Variants in DSCAM observed in about 807,000 individuals in gnomAD.
The protein encoded by DSCAM is DS cell adhesion molecule.
In DSCAM, 47 loss-of-function variants were observed where a neutral mutation model predicts 217.7. That is an observed-to-expected ratio of 0.22 (90% CI 0.17 to 0.28). DSCAM has a LOEUF of 0.28. Ranked by LOEUF, DSCAM falls within the 10% of genes least tolerant of loss-of-function variation. DSCAM has a pLI of 1.00. For synonymous variants in DSCAM, 1,056 were observed against 1,015.3 expected, an observed-to-expected ratio of 1.04 and a Z score of -0.76; for missense variants, 2,080 against 2,618.3, an observed-to-expected ratio of 0.79 and a Z score of 4.49.
chr21:40,249,856 G>A (rs570533176), intron 11 of DSCAM, among the ~76,000 whole-genome samples: 2 of 152,274 alleles, frequency 1.3e-5, no homozygotes, highest in African/African-American at 2.4e-5. Flanking sequence ...AAGGAGTTAG[G>A]TGTGTAGCCC....
intron 3 of DSCAM, among the ~76,000 whole-genome samples, chr21:40,480,012 A>C (rs2075968949): frequency 6.6e-6 from 1 of 152,190 alleles, no homozygotes; most frequent in Non-Finnish European, 1.5e-5. Context: ...TTATTTAATT[A>C]AACAAAACTA....
chr21:40,639,749 T>TA (rs2089855061), intron 3 of DSCAM, among the ~76,000 whole-genome samples: 1 of 152,024 alleles, frequency 6.6e-6, no homozygotes, highest in Admixed American at 6.6e-5. Context: ...TCTAAACCCT[T>TA]AAAGTTACAG....
intron 6 of DSCAM, among the ~76,000 whole-genome samples, chr21:40,343,104 A>G (rs569049650): frequency 1.8e-4 from 28 of 152,130 alleles, no homozygotes; most frequent in African/African-American, 6.3e-4. Context: ...ATTAGTTTCC[A>G]ATTGTTTGTT....
intron 3 of DSCAM, among the ~76,000 whole-genome samples, chr21:40,532,926 G>A (rs1466770584): frequency 6.6e-6 from 1 of 150,538 alleles, no homozygotes; most frequent in Non-Finnish European, 1.5e-5. Context: ...GCACGCGCAT[G>A]TGCGCATATG....
intron 1 of DSCAM, among the ~76,000 whole-genome samples, chr21:40,717,693 G>C (rs1349025483): frequency 6.6e-6 from 1 of 152,224 alleles, no homozygotes; most frequent in Admixed American, 6.5e-5. Context: ...GGTTTCTTTT[G>C]AAGTGATGAA....
chr21:40,171,346 G>T (rs538206296), intron 15 of DSCAM, among the ~76,000 whole-genome samples: 1 of 152,212 alleles, frequency 6.6e-6, no homozygotes, highest in Admixed American at 6.5e-5. Context: ...CCAAAGTGCT[G>T]GGATTACAGG....
chr21:40,514,088 G>A (rs1028280889), intron 3 of DSCAM, among the ~76,000 whole-genome samples: 1 of 152,128 alleles, frequency 6.6e-6, no homozygotes, highest in Non-Finnish European at 1.5e-5. Context: ...GAACTTGAAG[G>A]CACACATTTT....
At chr21:40,476,423 T>C (rs1283701757) in intron 3 of DSCAM, among the ~76,000 whole-genome samples, 2 of 152,234 alleles carry the variant, frequency 1.3e-5, no homozygotes, top group South Asian at 2.1e-4. Context: ...ATATATTGCA[T>C]GCAAAATGCA....
intron 24 of DSCAM, among the ~76,000 whole-genome samples, chr21:40,083,168 C>G (rs2089486967): frequency 6.6e-6 from 1 of 152,230 alleles, no homozygotes; most frequent in African/African-American, 2.4e-5. Context: ...GTGGCTCACG[C>G]CTGTAATCCC....
At chr21:40,174,237 G>A (rs2090695237) in intron 15 of DSCAM, among the ~76,000 whole-genome samples, 1 of 152,176 alleles carries the variant, frequency 6.6e-6, no homozygotes, top group African/African-American at 2.4e-5. Flanking sequence ...TTGGCTTCAT[G>A]GCTATTCTCT....
intron 11 of DSCAM, among the ~76,000 whole-genome samples, chr21:40,243,016 T>C (rs958838307): frequency 6.6e-6 from 1 of 152,214 alleles, no homozygotes; most frequent in Non-Finnish European, 1.5e-5. Flanking sequence ...GACTCCCCTG[T>C]GTCTGGGGCT....
At chr21:40,664,859 G>T (rs1228210079) in intron 3 of DSCAM, among the ~76,000 whole-genome samples, 2 of 152,216 alleles carry the variant, frequency 1.3e-5, no homozygotes, top group Non-Finnish European at 2.9e-5. Flanking sequence ...TGGAGGTGGG[G>T]TCTGGTGGGA....
chr21:40,610,389 G>A lies in DSCAM; in HGVS notation c.508+82421C>T, dbSNP rs564309390. ...AACTAGAGAAATAAGGCAAACCAAG[G>A]AACAGCCCTAGATGTCTGTAAAGAG... On this transcript the variant is annotated intron_variant, in intron 3 of 32. Coordinates refer to ENST00000400454, the MANE Select transcript of DSCAM (RefSeq NM_001389.5). Among the ~76,000 whole-genome samples the A allele has an allele frequency of 2.8e-4, 42 of 152,274 alleles. No individual in the cohort carries two copies. The East Asian group carries it at 3.5e-3, about 13-fold the overall frequency.
At chr21:40,717,487 A>G (rs750340817) in intron 1 of DSCAM, among the ~76,000 whole-genome samples, 11 of 152,256 alleles carry the variant, frequency 7.2e-5, no homozygotes, top group Admixed American at 7.2e-4. Flanking sequence ...TTACAATGGG[A>G]TATCACTCAG....
At chr21:40,440,721 GT>G (rs2075622604) in intron 3 of DSCAM, among the ~76,000 whole-genome samples, 1 of 3,802 alleles carries the variant, frequency 2.6e-4, no homozygotes, top group Non-Finnish European at 6.5e-4. Context: ...CCAGGTCTGA[GT>G]CTTGGCTGTG....
intron 4 of DSCAM, among the ~76,000 whole-genome samples, chr21:40,362,196 A>G (rs2074774602): frequency 6.6e-6 from 1 of 152,226 alleles, no homozygotes; most frequent in East Asian, 1.9e-4. Context: ...GGTTGGTTCC[A>G]AGTCTTTGCT....
chr21:40,728,076 A>G (rs1395471630), intron 1 of DSCAM, among the ~76,000 whole-genome samples: 1 of 152,024 alleles, frequency 6.6e-6, no homozygotes, highest in African/African-American at 2.4e-5. Flanking sequence ...AGATGGCGGC[A>G]CTTCCACTAC....
At chr21:40,822,041 G>A (rs938848366) in intron 1 of DSCAM, among the ~76,000 whole-genome samples, 12 of 151,270 alleles carry the variant, frequency 7.9e-5, no homozygotes, top group Admixed American at 1.3e-4. Flanking sequence ...AAAAAAGACC[G>A]GGCACAGTGG....
chr21:40,211,550 G>A (rs975846848), intron 11 of DSCAM, among the ~76,000 whole-genome samples: 8 of 152,286 alleles, frequency 5.3e-5, no homozygotes, highest in African/African-American at 4.8e-5. Context: ...AGCATGTGGC[G>A]TTATAATTTT....
Sources: gnomAD v4.1 joint callset for allele counts (sites outside exome capture counted in the v4.1 genomes callset) on GRCh38, gnomAD v4.1.1 for gene constraint, MANE v1.5 for transcripts, NCBI Gene and HGNC (gene_info 2026-07-23, HGNC 2026-07-21) for gene names.